SLC22A23: variants seen among roughly 807,000 people sequenced by gnomAD.
The protein encoded by SLC22A23 is ion transporter protein.
SLC22A23 carries 26 observed loss-of-function variants against 61.0 expected under a neutral mutation model. That is an observed-to-expected ratio of 0.43 (90% CI 0.31 to 0.59). The LOEUF (loss-of-function observed/expected upper bound fraction) is 0.59, where lower values mean the gene tolerates loss of function less well. Among genes scored for constraint, SLC22A23 ranks in the 20% least tolerant of loss-of-function variants. The pLI is 0.11. For missense variants in SLC22A23, 796 were observed against 934.7 expected, an observed-to-expected ratio of 0.85 and a Z score of 1.94; for synonymous variants, 430 against 413.9, an observed-to-expected ratio of 1.04 and a Z score of -0.47.
At chr6:3,388,810 A>G (rs1767469400) in intron 3 of SLC22A23, among the ~76,000 whole-genome samples, 1 of 152,238 alleles carries the variant, frequency 6.6e-6, no homozygotes, top group African/African-American at 2.4e-5. Context: ...GAAGTAGATC[A>G]GTCACAATAG....
At chr6:3,290,572 A>T (rs1468058330) in intron 5 of SLC22A23, 1 of 153,546 alleles carries the variant, frequency 6.5e-6, no homozygotes, top group East Asian at 1.9e-4. Flanking sequence ...GAGCAACTAT[A>T]AAGTCATGAG....
Position 3,294,020 on chromosome 6 carries a change from C to T in SLC22A23, c.1210+4071G>A, listed in dbSNP as rs145465445. 2.8e-4 allele frequency among the ~76,000 whole-genome samples: 42 copies of T among 152,284 alleles called. No homozygotes were observed. The South Asian group carries it at 2.9e-3, about 11-fold the overall frequency. ...GGACGGAGGATGCCTGCACCCTGCA[C>T]GTGGCTCCCCACAAGGAAGAAGACA... On this transcript the variant is annotated intron_variant, in intron 5 of 9. Transcript: ENST00000406686.
intron 3 of SLC22A23, among the ~76,000 whole-genome samples, chr6:3,379,925 G>C (rs1192591623): frequency 6.6e-6 from 1 of 152,188 alleles, no homozygotes; most frequent in Non-Finnish European, 1.5e-5. Flanking sequence ...AACAGGATCA[G>C]TTTAAATCTT....
intron 3 of SLC22A23, among the ~76,000 whole-genome samples, chr6:3,346,740 T>C (rs1764460662): frequency 6.6e-6 from 1 of 152,082 alleles, no homozygotes; most frequent in Non-Finnish European, 1.5e-5. Flanking sequence ...AGACCCACCT[T>C]CCACTTGGTT....
In SLC22A23 at chr6:3,414,948, G is replaced by A. The variant is rs769834436; in HGVS notation, c.758+804C>T. On this transcript the variant is annotated intron_variant, in intron 2 of 9. Coordinates refer to ENST00000406686, the MANE Select transcript of SLC22A23 (RefSeq NM_015482.2). The surrounding 1 kb of genome is among the most constrained non-coding windows in gnomAD (Gnocchi z 5.1). ...GTGGAGGGGCAGGCTCTGAGGCCAC[G>A]TGGTGGCTGAGTTTCAAGTTCTGGC... Among the ~76,000 whole-genome samples the A allele has an allele frequency of 1.2e-4, 19 of 152,132 alleles. No homozygotes were observed. The highest frequency in any genetic ancestry group is 1.9e-4 in the Non-Finnish European group (13 of 68,022).
At chr6:3,374,290 C>T (rs1304465786) in intron 3 of SLC22A23, among the ~76,000 whole-genome samples, 1 of 152,210 alleles carries the variant, frequency 6.6e-6, no homozygotes, top group Non-Finnish European at 1.5e-5. Context: ...CTTTGGGTTC[C>T]CTCCCTGGCA....
At chr6:3,375,673 T>G (rs1400894178) in intron 3 of SLC22A23, among the ~76,000 whole-genome samples, 1 of 152,214 alleles carries the variant, frequency 6.6e-6, no homozygotes, top group Non-Finnish European at 1.5e-5. Flanking sequence ...GTGTTGAATA[T>G]ATAAGGTGGG....
chr6:3,348,830 G>C (rs532927040), intron 3 of SLC22A23, among the ~76,000 whole-genome samples: 2 of 152,318 alleles, frequency 1.3e-5, no homozygotes, highest in Admixed American at 1.3e-4. Flanking sequence ...ACCCTTCCCA[G>C]CCAACGGACC....
intron 5 of SLC22A23, among the ~76,000 whole-genome samples, chr6:3,293,351 C>G (rs751834583): frequency 1.3e-5 from 2 of 152,190 alleles, no homozygotes; most frequent in Non-Finnish European, 2.9e-5. Context: ...CAGCCCTGAG[C>G]CCCACACCCG....
intron 2 of SLC22A23, among the ~76,000 whole-genome samples, chr6:3,415,124 C>G (rs1051338839): frequency 6.6e-6 from 1 of 152,244 alleles, no homozygotes; most frequent in Non-Finnish European, 1.5e-5. Flanking sequence ...GCCTGCTACA[C>G]GGTAATCTTT....
rs560037939 is a variant in SLC22A23, at chr6:3,346,236, C to T, written c.914-22234G>A. On this transcript the variant is annotated intron_variant, in intron 3 of 9. Transcript: ENST00000406686. ...CACCTCTGCTCGGGTCCCAGCTCAA[C>T]GTCTCTGCTGACCTGCTCACACGTT... Among the ~76,000 whole-genome samples the T allele has an allele frequency of 1.5e-4, 23 of 152,300 alleles. 1 individual carries two copies. In the South Asian group the frequency reaches 4.1e-3, roughly 27 times the overall value.
chr6:3,455,801 A>T, intron 1 of SLC22A23, 105 bp downstream of exon 1: 1 of 1,353,738 alleles, frequency 7.4e-7, no homozygotes, highest in Non-Finnish European at 9.8e-7. Context: ...CCCTACACAC[A>T]CTCTAGCACC....
intron 3 of SLC22A23, among the ~76,000 whole-genome samples, chr6:3,347,247 G>A (rs915370172): frequency 3.3e-5 from 5 of 150,362 alleles, no homozygotes; most frequent in Admixed American, 6.6e-5. Context: ...GTACGGTTGC[G>A]TTGTCTTACA....
At chr6:3,430,762 C>T (rs7774747) in intron 1 of SLC22A23, among the ~76,000 whole-genome samples, 86,614 of 151,938 alleles carry the variant, frequency 0.57, 24,956 homozygotes, top group Middle Eastern at 0.75. Flanking sequence ...AAGGAGTTGT[C>T]TGTGTTAGAA....
At chr6:3,306,221 G>A (rs1176656844) in intron 4 of SLC22A23, among the ~76,000 whole-genome samples, 6 of 152,128 alleles carry the variant, frequency 3.9e-5, no homozygotes, top group South Asian at 2.1e-4. Flanking sequence ...ACTCATTACC[G>A]TGGGGAGCGT....
intron 3 of SLC22A23, among the ~76,000 whole-genome samples, chr6:3,394,309 T>A (rs900349473): frequency 6.6e-6 from 1 of 152,116 alleles, no homozygotes; most frequent in Non-Finnish European, 1.5e-5. Flanking sequence ...CAGGCACACA[T>A]GAAAGTTCTC....
chr6:3,316,503 G>A (rs984693136), intron 4 of SLC22A23, among the ~76,000 whole-genome samples: 9 of 152,338 alleles, frequency 5.9e-5, no homozygotes, highest in Middle Eastern at 3.4e-3. Flanking sequence ...CCATGAGGGC[G>A]GGACTGTCTG....
intron 9 of SLC22A23, among the ~76,000 whole-genome samples, chr6:3,279,909 C>A (rs568841305): frequency 6.6e-6 from 1 of 152,152 alleles, no homozygotes; most frequent in Admixed American, 6.5e-5. Context: ...ATATGCAGGC[C>A]GACTTCTTAC....
intron 1 of SLC22A23, among the ~76,000 whole-genome samples, chr6:3,448,684 CG>C (rs1312813411): frequency 1.3e-5 from 2 of 152,120 alleles, no homozygotes; most frequent in African/African-American, 2.4e-5. Flanking sequence ...TTAGTAGAGA[CG>C]GGGTTTCACC....
Sources: allele counts gnomAD v4.1 joint callset (sites outside exome capture counted in the v4.1 genomes callset), GRCh38; gene constraint gnomAD v4.1.1; non-coding constraint Gnocchi (gnomAD v3.1); transcripts MANE v1.5; gene names NCBI Gene and HGNC (gene_info 2026-07-23, HGNC 2026-07-21).